The following ST8SIA5 variants were observed in gnomAD, a reference collection of about 807,000 sequenced individuals.
The protein encoded by ST8SIA5 is ST8 alpha-N-acetyl-neuraminide alpha-2,8-sialyltransferase 5, also known as alpha-2,8-sialyltransferase 8E.
Under a neutral mutation model 40.2 loss-of-function variants are expected in ST8SIA5, and 24 were observed. The observed-to-expected ratio is 0.60, with a 90% CI of 0.43 to 0.84. The LOEUF (loss-of-function observed/expected upper bound fraction) is 0.84. ST8SIA5 is among the 40% of genes least tolerant of loss of function. The pLI, the probability that ST8SIA5 is intolerant of heterozygous loss-of-function variation, is 0.00. For synonymous variants in ST8SIA5, 198 were observed against 201.8 expected (o/e 0.98, Z 0.16); for missense variants, 465 against 498.5 (o/e 0.93, Z 0.64).
At chr18:46,693,515 A>G (rs2039527715) in intron 2 of ST8SIA5, among the ~76,000 whole-genome samples, 1 of 152,202 alleles carries the variant, frequency 6.6e-6, no homozygotes, top group Non-Finnish European at 1.5e-5. Context: ...CAGGAAAGGG[A>G]ACGTCTAAAC....
At position 46,680,063 on chromosome 18, in the gene ST8SIA5, C is replaced by T; in HGVS notation, c.1110G>A (p.Thr370=). 4 of 1,608,238 alleles carry T rather than the reference C, an allele frequency of 2.5e-6. No individual in the cohort carries two copies. Among genetic ancestry groups the T allele is most frequent in the South Asian group, 2.2e-5 (2 of 90,506 alleles). The change falls in exon 7 of 7, where the codon ACG becomes ACA. Residue 370 remains threonine (T), a synonymous_variant. Transcript: ENST00000315087. ...GCCATCAGCAGCAGCTGCAGGTGCC[C>T]GTGTGCACGCGGAGGATGCCTCGGC... The part of the protein sequence containing the change: ...LHSRGILRVH[T]GTCSCC
intron 5 of ST8SIA5, among the ~76,000 whole-genome samples, chr18:46,684,651 A>G (rs2039428314): frequency 6.6e-6 from 1 of 152,204 alleles, no homozygotes; most frequent in African/African-American, 2.4e-5. Flanking sequence ...ACACAAGTCC[A>G]TTCTTTCATT....
rs1362509249 is a variant in ST8SIA5 at position 46,668,623 on chromosome 18, A to G, written c.*11419T>C. The G allele has an allele frequency of 6.6e-6, 1 of 152,260 alleles. No homozygotes were observed. Among genetic ancestry groups the G allele is most frequent in the Non-Finnish European group, 1.5e-5 (1 of 68,038 alleles). The allele number at this position is 152,260 out of a possible 1,614,324, so 9.4% of individuals were successfully genotyped here. On this transcript the variant is annotated 3_prime_UTR_variant, in exon 7 of 7. Transcript: ENST00000315087. ...TAAGAAAATACATAGACAAATGCATATATTTCAAAGTTCAAACAATACTGT... is the reference window on the plus strand; with the variant it reads ...TAAGAAAATACATAGACAAATGCATGTATTTCAAAGTTCAAACAATACTGT...
chr18:46,714,531 C>T (rs984959686), intron 1 of ST8SIA5, among the ~76,000 whole-genome samples: 2 of 152,076 alleles, frequency 1.3e-5, no homozygotes, highest in Non-Finnish European at 2.9e-5. Flanking sequence ...AGGGGTGAGG[C>T]CCTGACAGGC....
intron 2 of ST8SIA5, among the ~76,000 whole-genome samples, chr18:46,693,760 C>T (rs1220428182): frequency 6.6e-6 from 1 of 152,140 alleles, no homozygotes; most frequent in African/African-American, 2.4e-5. Context: ...ATATGAGATC[C>T]TCATGTACAT....
chr18:46,693,410 C>T (rs531164419), intron 2 of ST8SIA5, among the ~76,000 whole-genome samples: 1 of 152,248 alleles, frequency 6.6e-6, no homozygotes, highest in Non-Finnish European at 1.5e-5. Context: ...AGATGAGAAA[C>T]CTGAGACTGC....
chr18:46,720,887 G>T (rs185932237), intron 1 of ST8SIA5, among the ~76,000 whole-genome samples: 18 of 152,308 alleles, frequency 1.2e-4, no homozygotes, highest in African/African-American at 4.3e-4. Context: ...CCACCTTGAT[G>T]GAAATGGTTC....
intron 2 of ST8SIA5, 78 bp from the exon 3 acceptor site, chr18:46,692,333 C>T (rs2039514366): frequency 3.7e-6 from 5 of 1,344,670 alleles, no homozygotes. Context: ...ATGCTCCCTC[C>T]TGATCTCCCA....
At position 46,680,134 on chromosome 18, in the gene ST8SIA5, A is replaced by G; in HGVS notation, c.1039T>C (p.Phe347Leu). The G allele has an allele frequency of 6.2e-7, 1 of 1,614,204 alleles. No homozygotes were observed. The highest frequency in any genetic ancestry group is 8.5e-7 in the Non-Finnish European group (1 of 1,180,028). ...AAGATCTCAGAGGGCATGGCGTGGA[A>G]GCCGGGACGCGGCTTGACGTTGTCA... ...YYDNVKPRPG[F>L]HAMPSEIFNF... Residue 347 changes from phenylalanine (F) to leucine (L), a missense_variant, in exon 7 of 7, where the codon TTC becomes CTC. By Grantham distance (22) the Phe-to-Leu change is conservative (BLOSUM62 0). Coordinates refer to ENST00000315087, the MANE Select transcript of ST8SIA5 (RefSeq NM_013305.6).
At chr18:46,709,622 T>C (rs1243471417) in intron 1 of ST8SIA5, among the ~76,000 whole-genome samples, 1 of 152,168 alleles carries the variant, frequency 6.6e-6, no homozygotes, top group Non-Finnish European at 1.5e-5. Context: ...TGCTTAAAGT[T>C]TTTTTGTCTA....
rs1718964676 is a variant in ST8SIA5, at chr18:46,702,807, G to T, written c.224+1765C>A. Among the ~76,000 whole-genome samples the T allele has an allele frequency of 2.0e-5, 3 of 152,264 alleles. 1 individual carries two copies. The South Asian group carries it at 6.2e-4, about 32-fold the overall frequency. ...GTGGCTGTGAGTTCCACAAGGGTGG[G>T]CACCACAGTGGTATGTGTTCAGCTC... On this transcript the variant is annotated intron_variant, in intron 2 of 6. Transcript: ENST00000315087.
In ST8SIA5 at chr18:46,736,015, C is replaced by T. The variant is rs938091901; in HGVS notation, c.131+20363G>A. The stretch of plus-strand genomic sequence containing the variant: ...GTTGTTACAGCTGCGTATGAATCTA[C>T]AATTCTCAAAAAGATTTTTTTAAAG... On this transcript the variant is annotated intron_variant, in intron 1 of 6. Coordinates refer to ENST00000315087, the MANE Select transcript of ST8SIA5 (RefSeq NM_013305.6). Among the ~76,000 whole-genome samples the T allele has an allele frequency of 2.0e-5, 3 of 152,182 alleles. No individual in the cohort carries two copies. The East Asian group carries it at 5.8e-4, about 29-fold the overall frequency.
In ST8SIA5 at chr18:46,712,871, T is replaced by C. The variant is rs565952962; in HGVS notation, c.132-8207A>G. Among the ~76,000 whole-genome samples, 14 of 151,836 alleles carry C rather than the reference T, an allele frequency of 9.2e-5. No individual in the cohort carries two copies. In the South Asian group the frequency reaches 1.0e-3, roughly 11 times the overall value. ...AGGAATTGGAGGGTGCCTGGAAGGATAGTGGGTGGCCTAGGAAGGCCACTC... is the reference window on the plus strand; with the variant it reads ...AGGAATTGGAGGGTGCCTGGAAGGACAGTGGGTGGCCTAGGAAGGCCACTC... On this transcript the variant is annotated intron_variant, in intron 1 of 6. Coordinates refer to ENST00000315087, the MANE Select transcript of ST8SIA5 (RefSeq NM_013305.6).
intron 1 of ST8SIA5, among the ~76,000 whole-genome samples, chr18:46,733,393 A>G (rs1291959398): frequency 1.3e-5 from 2 of 152,160 alleles, no homozygotes; most frequent in East Asian, 3.8e-4. Context: ...CTTGTTATAT[A>G]TGCATAATAT....
chr18:46,717,438 C>T (rs951795040), intron 1 of ST8SIA5, among the ~76,000 whole-genome samples: 24 of 152,146 alleles, frequency 1.6e-4, no homozygotes, highest in African/African-American at 4.1e-4. Context: ...TGAGTTCAAG[C>T]GATTCTCCTG....
chr18:46,687,856 C>T (rs1298811163), intron 4 of ST8SIA5, among the ~76,000 whole-genome samples: 1 of 152,210 alleles, frequency 6.6e-6, no homozygotes, highest in Non-Finnish European at 1.5e-5. Flanking sequence ...GCCCAGAGCT[C>T]TCCTGAATGT....
At position 46,738,603 on chromosome 18, in the gene ST8SIA5, TAA is replaced by T. The variant is rs542179918; in HGVS notation, c.131+17773_131+17774del. ...AAACTTGCTCTGACCAGCGAAACTG[TAA>T]AGTCACTCTGCTGACCCACCACACA... On this transcript the variant is annotated intron_variant, in intron 1 of 6. Coordinates refer to ENST00000315087, the MANE Select transcript of ST8SIA5 (RefSeq NM_013305.6). Among the ~76,000 whole-genome samples the T allele has an allele frequency of 4.0e-4, 61 of 152,266 alleles. 2 individuals are homozygous for T. In the South Asian group the frequency reaches 7.3e-3, roughly 18 times the overall value.
rs918658230 is a variant in ST8SIA5, at chr18:46,752,931, T to C, written c.131+3447A>G. Among the ~76,000 whole-genome samples, 10 of 152,166 alleles carry C rather than the reference T, an allele frequency of 6.6e-5. No homozygotes were observed. In the East Asian group the frequency reaches 1.9e-3, roughly 29 times the overall value. Reference sequence around the variant, plus strand: ...CTCTCTACCTCTTTAACCCTTCCTGTAGGAGACCCAGCTAACATCCTTCTT... The same window carrying C: ...CTCTCTACCTCTTTAACCCTTCCTGCAGGAGACCCAGCTAACATCCTTCTT... On this transcript the variant is annotated intron_variant, in intron 1 of 6. Coordinates refer to ENST00000315087, the MANE Select transcript of ST8SIA5 (RefSeq NM_013305.6).
At chr18:46,689,246 G>A (rs73433040) in intron 3 of ST8SIA5, among the ~76,000 whole-genome samples, 6,134 of 152,156 alleles carry the variant, frequency 0.04, 414 homozygotes, top group African/African-American at 0.14. Context: ...CCCAGGCCAG[G>A]CTTCTTTCCA....
Sources: allele counts gnomAD v4.1 joint callset (sites outside exome capture counted in the v4.1 genomes callset), GRCh38; gene constraint gnomAD v4.1.1; transcripts MANE v1.5; gene names NCBI Gene and HGNC (gene_info 2026-07-23, HGNC 2026-07-21).